Variants in ATP6V1G3 observed in about 807,000 individuals in gnomAD.
ATP6V1G3 encodes ATPase H+ transporting V1 subunit G3, also known as V-type proton ATPase subunit G 3.
ATP6V1G3 carries 9 observed loss-of-function variants against 9.3 expected under a neutral mutation model. That is an observed-to-expected ratio of 0.97 (90% CI 0.59 to 1.69). The LOEUF is 1.69. ATP6V1G3 is among the 40% of genes most tolerant of loss of function. The pLI is 0.00. For missense variants in ATP6V1G3, 133 were observed against 139.0 expected (o/e 0.96, Z 0.22); for synonymous variants, 43 against 43.8 (o/e 0.98, Z 0.07).
intron 2 of ATP6V1G3, among the ~76,000 whole-genome samples, chr1:198,528,835 A>G (rs1042093176): frequency 1.3e-5 from 2 of 151,852 alleles, no homozygotes; most frequent in African/African-American, 4.8e-5. Flanking sequence ...ATGATTTTTA[A>G]TATATACTAT....
chr1:198,538,335 G>A (rs1660202420), intron 1 of ATP6V1G3, among the ~76,000 whole-genome samples: 1 of 152,086 alleles, frequency 6.6e-6, no homozygotes, highest in Admixed American at 6.6e-5. Context: ...AAAAGAAATT[G>A]GACTTTTATC....
At chr1:198,536,622 A>G (rs1171380987) in intron 1 of ATP6V1G3, 4 of 1,420,074 alleles carry the variant, frequency 2.8e-6, no homozygotes, top group Non-Finnish European at 3.9e-6. Flanking sequence ...TAACTAATAA[A>G]TATAACCTGT....
At chr1:198,534,117 G>A (rs990667081) in intron 1 of ATP6V1G3, among the ~76,000 whole-genome samples, 25 of 152,142 alleles carry the variant, frequency 1.6e-4, no homozygotes, top group South Asian at 2.1e-4. Flanking sequence ...TGTGCCCCCC[G>A]AAAACATATG....
At chr1:198,529,250 T>A (rs1339616458) in intron 1 of ATP6V1G3, 69 bp from the exon 2 acceptor site, 5 of 358,218 alleles carry the variant, frequency 1.4e-5, no homozygotes, top group African/African-American at 4.4e-5. Context: ...ATTTATTATA[T>A]ATATCTCAAC....
At chr1:198,536,244 T>C (rs1379946667) in intron 1 of ATP6V1G3, among the ~76,000 whole-genome samples, 1 of 152,196 alleles carries the variant, frequency 6.6e-6, no homozygotes, top group East Asian at 1.9e-4. Context: ...AAGTTTGCAA[T>C]GGGTGTAAGT....
intron 1 of ATP6V1G3, among the ~76,000 whole-genome samples, chr1:198,531,443 C>CA (rs1659894997): frequency 6.6e-6 from 1 of 152,064 alleles, no homozygotes; most frequent in Non-Finnish European, 1.5e-5. Flanking sequence ...CTGCTGTGAC[C>CA]AAAAGCGGGG....
chr1:198,524,063 A>G (rs1659557531), intron 2 of ATP6V1G3, among the ~76,000 whole-genome samples: 1 of 151,422 alleles, frequency 6.6e-6, no homozygotes, highest in Non-Finnish European at 1.5e-5. Flanking sequence ...TCTGAACTGT[A>G]TCTTGCTTTT....
At chr1:198,533,068 G>A (rs1259241526) in intron 1 of ATP6V1G3, among the ~76,000 whole-genome samples, 1 of 152,122 alleles carries the variant, frequency 6.6e-6, no homozygotes, top group Non-Finnish European at 1.5e-5. Flanking sequence ...CACTTTGGGA[G>A]GCTGAGGCAG....
intron 2 of ATP6V1G3, among the ~76,000 whole-genome samples, chr1:198,525,779 C>T (rs1032836711): frequency 2.0e-5 from 3 of 152,066 alleles, no homozygotes; most frequent in African/African-American, 7.2e-5. Context: ...TGCTTAGTAG[C>T]CACATGTGAA....
At chr1:198,530,017 A>G (rs1341496571) in intron 1 of ATP6V1G3, among the ~76,000 whole-genome samples, 3 of 152,104 alleles carry the variant, frequency 2.0e-5, no homozygotes, top group Non-Finnish European at 2.9e-5. Context: ...GGGGTTACAG[A>G]CAAATATTAA....
chr1:198,525,630 TTAATC>T (rs1250124178), intron 2 of ATP6V1G3, among the ~76,000 whole-genome samples: 2 of 152,258 alleles, frequency 1.3e-5, no homozygotes, highest in East Asian at 1.9e-4. Flanking sequence ...AGTAATATAT[TTAATC>T]TAATAATATT....
chr1:198,536,774 C>A (rs1660130103), intron 1 of ATP6V1G3: 1 of 1,389,886 alleles, frequency 7.2e-7, no homozygotes, highest in Non-Finnish European at 1.0e-6. Flanking sequence ...TAGTCTATAT[C>A]ATTCTTCTAT....
chr1:198,529,870 T>A (rs1366291227), intron 1 of ATP6V1G3, among the ~76,000 whole-genome samples: 2 of 152,144 alleles, frequency 1.3e-5, no homozygotes, highest in Non-Finnish European at 2.9e-5. Context: ...TTAAGTAGCC[T>A]TTTTTCTTTT....
chr1:198,531,406 A>G (rs1298787636), intron 1 of ATP6V1G3, among the ~76,000 whole-genome samples: 1 of 152,182 alleles, frequency 6.6e-6, no homozygotes, highest in East Asian at 1.9e-4. Context: ...AATTATACTT[A>G]TTTCTTTGTA....
intron 2 of ATP6V1G3, among the ~76,000 whole-genome samples, chr1:198,528,295 A>G (rs1364275582): frequency 6.6e-6 from 1 of 152,164 alleles, no homozygotes; most frequent in Non-Finnish European, 1.5e-5. Flanking sequence ...TTACCATTAA[A>G]ATAGAAGTTG....
At chr1:198,532,135 C>T (rs1461759003) in intron 1 of ATP6V1G3, among the ~76,000 whole-genome samples, 2 of 151,980 alleles carry the variant, frequency 1.3e-5, no homozygotes, top group Non-Finnish European at 2.9e-5. Flanking sequence ...GAAATGAAGA[C>T]AGAGATTTGC....
intron 1 of ATP6V1G3, among the ~76,000 whole-genome samples, chr1:198,534,422 C>T (rs371779310): frequency 1.4e-4 from 22 of 152,194 alleles, no homozygotes; most frequent in African/African-American, 4.6e-4. Context: ...GTTTCTCCCT[C>T]GGTGCTTCCA....
intron 1 of ATP6V1G3, among the ~76,000 whole-genome samples, chr1:198,530,002 T>TG (rs923503750): frequency 4.8e-4 from 73 of 151,752 alleles, no homozygotes; most frequent in East Asian, 2.1e-3. Context: ...AGAGTAAGTT[T>TG]GGGGGGGGTT....
intron 1 of ATP6V1G3, among the ~76,000 whole-genome samples, chr1:198,539,069 T>C (rs77261509): frequency 0.018 from 2,759 of 152,218 alleles, 69 homozygotes; most frequent in African/African-American, 0.062. Context: ...AATTGAGAAA[T>C]AGGTAAAGTT....
Sources: allele counts gnomAD v4.1 joint callset (sites outside exome capture counted in the v4.1 genomes callset), GRCh38; gene constraint gnomAD v4.1.1; transcripts MANE v1.5; gene names NCBI Gene and HGNC (gene_info 2026-07-23, HGNC 2026-07-21).